The following CHD9 variants were observed in gnomAD, a reference collection of about 807,000 sequenced individuals.
CHD9 encodes the protein ATP-dependent chromatin remodeler CHD9.
A neutral mutation model predicts 316.1 loss-of-function variants in CHD9; 77 were observed. The ratio of observed to expected loss-of-function variants is 0.24; its 90% CI spans 0.20 to 0.29. The LOEUF (loss-of-function observed/expected upper bound fraction) is 0.29. Ranked by LOEUF, CHD9 falls within the 10% of genes least tolerant of loss-of-function variation. The pLI is 1.00. For synonymous variants in CHD9, 1,129 were observed against 1,158.3 expected (o/e 0.97, Z 0.51); for missense variants, 2,763 against 3,438.1 (o/e 0.80, Z 4.91).
chr16:53,228,035 G>A lies in CHD9; in HGVS notation c.2168+432G>A, dbSNP rs183532499. ...CAGGAGGTGGAGGTTGCTGTGAGCCGAGATCGTGCCACCATACTCCAGCCT... is the reference window on the plus strand; with the variant it reads ...CAGGAGGTGGAGGTTGCTGTGAGCCAAGATCGTGCCACCATACTCCAGCCT... On this transcript the variant is annotated intron_variant, in intron 7 of 38. Coordinates refer to ENST00000447540, the MANE Select transcript of CHD9 (RefSeq NM_001308319.2). 2.9e-3 allele frequency among the ~76,000 whole-genome samples: 446 copies of A among 151,518 alleles called. 3 individuals are homozygous for A. The highest frequency in any genetic ancestry group is 0.01 in the African/African-American group (426 of 41,274).
In CHD9 at chr16:53,226,501, C is replaced by G. The variant is rs1189593845; in HGVS notation, c.2032C>G (p.Gln678Glu). The G allele has an allele frequency of 6.3e-7, 1 of 1,599,238 alleles. No individual in the cohort carries two copies. Among genetic ancestry groups the G allele is most frequent in the Admixed American group, 1.8e-5 (1 of 55,510 alleles). ...SAPLPGEQPL[Q>E]LFVENPSEED... ...TCCTTTACCTGGTGAACAGCCTTTACAATTGTTTGTGGTAAGCATATTTGG... is the reference window on the plus strand; with the variant it reads ...TCCTTTACCTGGTGAACAGCCTTTAGAATTGTTTGTGGTAAGCATATTTGG... The change falls in exon 5 of 39, where the codon CAA (glutamine) becomes GAA (glutamate). Residue 678 changes from glutamine (Q) to glutamate (E), a missense_variant. Physicochemically the swap from Gln to Glu is conservative, Grantham distance 29 (BLOSUM62 2). Around this residue, in one of 15 missense-constraint regions of CHD9, gnomAD observed 859 missense variants for 890.4 expected, o/e 0.96. Coordinates refer to ENST00000447540, the MANE Select transcript of CHD9 (RefSeq NM_001308319.2).
intron 34 of CHD9, among the ~76,000 whole-genome samples, chr16:53,313,388 C>T (rs763254202): frequency 7.9e-5 from 12 of 152,046 alleles, no homozygotes; most frequent in Non-Finnish European, 1.8e-4. Flanking sequence ...TCACAGCAAC[C>T]TCCGCCTCCC....
At chr16:53,139,776 C>T (rs953061974) in intron 1 of CHD9, among the ~76,000 whole-genome samples, 4 of 152,158 alleles carry the variant, frequency 2.6e-5, no homozygotes, top group African/African-American at 9.7e-5. Flanking sequence ...CTGTCTCAGT[C>T]TTTAACTTTT....
intron 2 of CHD9, chr16:53,208,123 G>A: frequency 2.9e-6 from 3 of 1,048,998 alleles, no homozygotes; most frequent in African/African-American, 1.7e-5. Flanking sequence ...TACCTAAATA[G>A]GATGAACAGT....
chr16:53,245,829 A>G lies in CHD9; in HGVS notation c.3433A>G (p.Asn1145Asp). 6.5e-7 allele frequency: 1 copy of G among 1,543,138 alleles called. No individual in the cohort carries two copies. The highest frequency in any genetic ancestry group is 8.7e-7 in the Non-Finnish European group (1 of 1,148,264). Residue 1145 changes from asparagine to aspartate, a missense_variant, in exon 15 of 39, where the codon AAT becomes GAT. Transcript: ENST00000447540. The surrounding 1 kb of genome is among the most constrained non-coding windows in gnomAD (Gnocchi z 4.1). ...NTMMELRKCC[N>D]HPYLIKGAEE... ...CATGATGGAGCTCAGGAAATGTTGTAATCATCCATATCTTATAAAAGGTAG... is the reference window on the plus strand; with the variant it reads ...CATGATGGAGCTCAGGAAATGTTGTGATCATCCATATCTTATAAAAGGTAG...
At chr16:53,233,810 A>G (rs1315197803) in intron 10 of CHD9, among the ~76,000 whole-genome samples, 5 of 152,214 alleles carry the variant, frequency 3.3e-5, no homozygotes, top group Non-Finnish European at 7.4e-5. Flanking sequence ...ATTTCACAAT[A>G]TCACACCTGA....
At chr16:53,290,204 G>A (rs2054213652) in intron 27 of CHD9, among the ~76,000 whole-genome samples, 2 of 152,192 alleles carry the variant, frequency 1.3e-5, no homozygotes, top group Admixed American at 1.3e-4. Flanking sequence ...AAGCCAGGAG[G>A]CGGAGGTTGC....
At chr16:53,261,776 C>G (rs2051154494) in intron 19 of CHD9, among the ~76,000 whole-genome samples, 1 of 152,118 alleles carries the variant, frequency 6.6e-6, no homozygotes, top group Non-Finnish European at 1.5e-5. Flanking sequence ...CTTTTTCATA[C>G]TGTTTCGAAG....
At chr16:53,318,083 G>T (rs2057014583) in intron 36 of CHD9, 129 bp from the exon 37 acceptor site, 7 of 676,848 alleles carry the variant, frequency 1.0e-5, no homozygotes, top group Non-Finnish European at 1.6e-5. Context: ...AAAAAGTTTA[G>T]ATATTTTTAA....
intron 1 of CHD9, among the ~76,000 whole-genome samples, chr16:53,083,839 C>G (rs190924197): frequency 6.6e-6 from 1 of 152,022 alleles, no homozygotes; most frequent in Admixed American, 6.6e-5. Flanking sequence ...TAGCCTTGAA[C>G]TCATGGCCTC....
At chr16:53,063,713 A>C (rs966026464) in intron 1 of CHD9, among the ~76,000 whole-genome samples, 1 of 151,194 alleles carries the variant, frequency 6.6e-6, no homozygotes, top group East Asian at 2.0e-4. Flanking sequence ...TTGTATTTTT[A>C]GTAGAGATGG....
intron 2 of CHD9, among the ~76,000 whole-genome samples, chr16:53,184,437 AGCTAT>A (rs2043810890): frequency 1.3e-5 from 2 of 152,152 alleles, no homozygotes; most frequent in South Asian, 4.1e-4. Context: ...CCTGGGCTCA[AGCTAT>A]CCTCTCACCC....
chr16:53,071,749 TTTG>T (rs1411279187), intron 1 of CHD9, among the ~76,000 whole-genome samples: 1 of 152,108 alleles, frequency 6.6e-6, no homozygotes, highest in East Asian at 1.9e-4. Context: ...CTGCGGGGAT[TTTG>T]TTGTCTGTCT....
At chr16:53,241,155 A>G (rs575517900) in intron 12 of CHD9, among the ~76,000 whole-genome samples, 1 of 152,346 alleles carries the variant, frequency 6.6e-6, no homozygotes, top group African/African-American at 2.4e-5. Flanking sequence ...TATTAATTAA[A>G]ATCTAAGAAC....
intron 28 of CHD9, among the ~76,000 whole-genome samples, chr16:53,292,412 A>G (rs1045905387): frequency 1.1e-4 from 17 of 152,228 alleles, no homozygotes; most frequent in African/African-American, 3.1e-4. Context: ...AACTTCGAAA[A>G]TGTTTCTTCC....
intron 1 of CHD9, among the ~76,000 whole-genome samples, chr16:53,144,933 A>G (rs1442156854): frequency 6.6e-6 from 1 of 150,808 alleles, no homozygotes; most frequent in Non-Finnish European, 1.5e-5. Flanking sequence ...TCAAGGCTGC[A>G]GTGAGCTATG....
chr16:53,155,868 G>A, intron 1 of CHD9, 58 bp from the exon 2 acceptor site: 1 of 495,778 alleles, frequency 2.0e-6, no homozygotes, highest in South Asian at 3.1e-5. Flanking sequence ...GTTCATTTTT[G>A]TTGTAGCATG....
intron 1 of CHD9, chr16:53,131,070 C>T (rs1256782301): frequency 2.9e-4 from 4 of 13,782 alleles, no homozygotes; most frequent in African/African-American, 1.4e-3. Context: ...TAAGTGCCGC[C>T]GCCGCCGCCG....
At chr16:53,093,367 A>G (rs1001182982) in intron 1 of CHD9, among the ~76,000 whole-genome samples, 7 of 152,248 alleles carry the variant, frequency 4.6e-5, no homozygotes, top group African/African-American at 1.4e-4. Flanking sequence ...GGGATTATCT[A>G]TTACAGCCCT....
Sources: allele counts gnomAD v4.1 joint callset (sites outside exome capture counted in the v4.1 genomes callset), GRCh38; gene constraint gnomAD v4.1.1; regional missense constraint gnomAD v4.1.1; non-coding constraint Gnocchi (gnomAD v3.1); transcripts MANE v1.5; gene names NCBI Gene and HGNC (gene_info 2026-07-23, HGNC 2026-07-21).